ARID4B: variants seen among roughly 807,000 people sequenced by gnomAD.
ARID4B encodes AT-rich interactive domain-containing protein 4B.
Under a neutral mutation model 147.5 loss-of-function variants are expected in ARID4B, and 26 were observed. The observed-to-expected ratio is 0.18, with a 90% CI of 0.13 to 0.24. ARID4B has a LOEUF of 0.24. Among genes scored for constraint, ARID4B ranks in the 10% least tolerant of loss-of-function variants. The pLI, the probability that ARID4B is intolerant of heterozygous loss-of-function variation, is 1.00. For synonymous variants in ARID4B, 512 were observed against 507.9 expected, an observed-to-expected ratio of 1.01 and a Z score of -0.11; for missense variants, 1,179 against 1,511.5, an observed-to-expected ratio of 0.78 and a Z score of 3.65.
chr1:235,173,758 AAAAAAAAAAAAAAAT>A (rs1360660049), intron 22 of ARID4B, among the ~76,000 whole-genome samples: 2 of 51,890 alleles, frequency 3.9e-5, no homozygotes, highest in African/African-American at 2.0e-4. Flanking sequence ...AAAAAAAAAA[AAAAAAAAAAAAAAAT>A]ATATATATAT....
chr1:235,168,761 T>G, intron 23 of ARID4B, 109 bp from the exon 24 acceptor site: 1 of 1,178,154 alleles, frequency 8.5e-7, no homozygotes, highest in East Asian at 2.6e-5. Context: ...TCCAAAATCA[T>G]TTAGCTTACA....
At chr1:235,299,479 C>T (rs1672980512) in intron 2 of ARID4B, among the ~76,000 whole-genome samples, 1 of 152,354 alleles carries the variant, frequency 6.6e-6, no homozygotes, top group Non-Finnish European at 1.5e-5. Context: ...GCGTGAGCCA[C>T]TGTGCCTGGC....
At chr1:235,286,060 G>GCTTTTTTT (rs1553311442) in intron 2 of ARID4B, among the ~76,000 whole-genome samples, 1 of 151,372 alleles carries the variant, frequency 6.6e-6, no homozygotes, top group African/African-American at 2.4e-5. Flanking sequence ...GTTTTGTTTT[G>GCTTTTTTT]TTTTGAGATA....
intron 9 of ARID4B, among the ~76,000 whole-genome samples, chr1:235,233,290 A>T (rs1668356353): frequency 6.6e-6 from 1 of 152,094 alleles, no homozygotes. Flanking sequence ...ACTACAAAAA[A>T]TACAAAAATA....
intron 9 of ARID4B, among the ~76,000 whole-genome samples, chr1:235,233,081 C>T (rs889734363): frequency 1.3e-4 from 20 of 152,142 alleles, no homozygotes; most frequent in African/African-American, 4.1e-4. Context: ...CATGATCCCA[C>T]CTGCCTAGGC....
intron 16 of ARID4B, among the ~76,000 whole-genome samples, chr1:235,217,349 T>C (rs1667158779): frequency 6.6e-6 from 1 of 152,030 alleles, no homozygotes; most frequent in African/African-American, 2.4e-5. Context: ...CCTCTGAAAG[T>C]ATAAAATGCA....
chr1:235,291,483 A>G (rs1011174804), intron 2 of ARID4B, among the ~76,000 whole-genome samples: 1 of 152,066 alleles, frequency 6.6e-6, no homozygotes, highest in African/African-American at 2.4e-5. Flanking sequence ...TGATTTTTAC[A>G]CTTAGAATGG....
intron 5 of ARID4B, among the ~76,000 whole-genome samples, chr1:235,255,269 A>C (rs12140913): frequency 0.26 from 34,431 of 131,304 alleles, 4,954 homozygotes; most frequent in East Asian, 0.53. Context: ...ATAGATATAT[A>C]TCTCTCTCTC....
At chr1:235,289,018 T>C (rs1672159152) in intron 2 of ARID4B, among the ~76,000 whole-genome samples, 1 of 152,202 alleles carries the variant, frequency 6.6e-6, no homozygotes, top group African/African-American at 2.4e-5. Context: ...CAACAATAAT[T>C]ACCAAAATTA....
intron 2 of ARID4B, among the ~76,000 whole-genome samples, chr1:235,292,896 A>G (rs1419606390): frequency 1.3e-5 from 2 of 152,212 alleles, no homozygotes; most frequent in Admixed American, 1.3e-4. Context: ...CAGAAGAGAA[A>G]AGCTAAAGTA....
intron 2 of ARID4B, among the ~76,000 whole-genome samples, chr1:235,281,699 C>T (rs758470994): frequency 1.3e-5 from 2 of 152,156 alleles, no homozygotes; most frequent in African/African-American, 2.4e-5. Flanking sequence ...GACAGACCAA[C>T]AGCCTGCCTC....
intron 6 of ARID4B, among the ~76,000 whole-genome samples, chr1:235,247,127 CCA>C (rs1431526726): frequency 2.0e-5 from 3 of 151,896 alleles, no homozygotes; most frequent in Non-Finnish European, 4.4e-5. Context: ...TTAAGATTTT[CCA>C]CAGTTTCTGT....
intron 6 of ARID4B, among the ~76,000 whole-genome samples, chr1:235,247,203 T>C (rs1343904014): frequency 1.3e-5 from 2 of 152,108 alleles, no homozygotes; most frequent in East Asian, 3.8e-4. Context: ...TCAGAGCAAC[T>C]AGAGATTTCC....
intron 2 of ARID4B, among the ~76,000 whole-genome samples, chr1:235,263,271 T>C (rs1670400109): frequency 6.6e-6 from 1 of 152,254 alleles, no homozygotes; most frequent in Non-Finnish European, 1.5e-5. Flanking sequence ...TTGTACCTAC[T>C]GAGGAACATA....
chr1:235,307,650 G>C (rs556391008), intron 2 of ARID4B, among the ~76,000 whole-genome samples: 30 of 152,244 alleles, frequency 2.0e-4, no homozygotes, highest in South Asian at 1.5e-3. Flanking sequence ...TGGCAGAAGA[G>C]ATAGGTTCTG....
At chr1:235,280,005 T>C (rs2103174037) in intron 2 of ARID4B, among the ~76,000 whole-genome samples, 1 of 152,326 alleles carries the variant, frequency 6.6e-6, no homozygotes, top group East Asian at 1.9e-4. Context: ...CCTATCCTCT[T>C]GTAATAAATC....
At chr1:235,202,937 T>G (rs1478835775) in intron 17 of ARID4B, among the ~76,000 whole-genome samples, 1 of 152,196 alleles carries the variant, frequency 6.6e-6, no homozygotes, top group East Asian at 1.9e-4. Context: ...GTATCTATTA[T>G]GTAATAACAG....
rs78491450 is a variant in ARID4B at position 235,293,472 on chromosome 1, A to G, written c.7-32720T>C. ...TCTTTCCAGACCTTTTCTTAAAAGC[A>G]TTAACAGCTGATGTGCCAAGTCAGT... On this transcript the variant is annotated intron_variant, in intron 2 of 23. Coordinates refer to ENST00000264183, the MANE Select transcript of ARID4B (RefSeq NM_016374.6). Among the ~76,000 whole-genome samples the G allele has an allele frequency of 8.7e-3, 1,322 of 152,344 alleles. 19 individuals are homozygous for G. The highest frequency in any genetic ancestry group is 0.028 in the African/African-American group (1,154 of 41,582).
At chr1:235,265,458 G>A (rs910553961) in intron 2 of ARID4B, among the ~76,000 whole-genome samples, 1 of 151,982 alleles carries the variant, frequency 6.6e-6, no homozygotes, top group South Asian at 2.1e-4. Flanking sequence ...CAGCACTTTA[G>A]GAAGCCTAAG....
Sources: gnomAD v4.1 joint callset for allele counts (sites outside exome capture counted in the v4.1 genomes callset) on GRCh38, gnomAD v4.1.1 for gene constraint, MANE v1.5 for transcripts, NCBI Gene and HGNC (gene_info 2026-07-23, HGNC 2026-07-21) for gene names.